The following CUX2 variants were observed in gnomAD, a reference collection of about 807,000 sequenced individuals.
CUX2 encodes cut like homeobox 2.
CUX2 carries 40 observed loss-of-function variants against 144.8 expected under a neutral mutation model. That is an observed-to-expected ratio of 0.28 (90% confidence interval 0.21 to 0.36). The LOEUF is 0.36. Among genes scored for constraint, CUX2 ranks in the 10% least tolerant of loss-of-function variants. CUX2 has a pLI of 1.00. For missense variants in CUX2, 1,615 were observed against 1,994.0 expected, an observed-to-expected ratio of 0.81 and a Z score of 3.62; for synonymous variants, 827 against 875.6, an observed-to-expected ratio of 0.94 and a Z score of 0.98.
intron 1 of CUX2, among the ~76,000 whole-genome samples, chr12:111,140,628 A>G (rs1876251936): frequency 6.6e-6 from 1 of 152,206 alleles, no homozygotes; most frequent in Non-Finnish European, 1.5e-5. Context: ...GCAGCTAAAT[A>G]TAGCCCCTGC....
At position 111,320,023 on chromosome 12, in the gene CUX2, A is replaced by T; in HGVS notation, c.2014A>T (p.Thr672Ser). ...IESQKGGEPK[T>S]SVAPLSIANG... ...CCCCCTCCCCGCAGGCGAGCCCAAG[A>T]CCTCGGTGGCCCCGCTGAGCATCGC... The change falls in exon 17 of 22, where the codon ACC becomes TCC. Residue 672 changes from threonine (T) to serine (S), a missense_variant. Transcript: ENST00000261726. This position sits in a 1 kb window ranked among gnomAD's most constrained non-coding sequence, Gnocchi z 8.1. 2.0e-6 allele frequency: 3 copies of T among 1,527,470 alleles called. No homozygotes were observed. Among genetic ancestry groups the T allele is most frequent in the Non-Finnish European group, 2.6e-6 (3 of 1,143,178 alleles). 94.6% of individuals were successfully genotyped at this position (1,527,470 alleles called of 1,614,324 possible). A position where few individuals can be genotyped will look rare whatever the true frequency, so the allele number is the denominator to read the frequency against.
intron 16 of CUX2, among the ~76,000 whole-genome samples, chr12:111,314,533 T>C (rs1312468336): frequency 1.3e-5 from 2 of 150,858 alleles, no homozygotes; most frequent in African/African-American, 4.9e-5. Context: ...CCCAGCTATT[T>C]GGAGGCTGAG....
intron 1 of CUX2, among the ~76,000 whole-genome samples, chr12:111,209,064 G>C (rs1373797288): frequency 6.6e-6 from 1 of 152,172 alleles, no homozygotes; most frequent in Non-Finnish European, 1.5e-5. Flanking sequence ...CTTTTAGGGG[G>C]TACTGACAAG....
chr12:111,123,177 A>G (rs1165735372), intron 1 of CUX2, among the ~76,000 whole-genome samples: 2 of 152,122 alleles, frequency 1.3e-5, no homozygotes, highest in African/African-American at 4.8e-5. Flanking sequence ...TACCCGGCAT[A>G]TAGTTTCTTT....
chr12:111,187,466 C>T (rs985704924), intron 1 of CUX2, among the ~76,000 whole-genome samples: 1 of 152,164 alleles, frequency 6.6e-6, no homozygotes, highest in Non-Finnish European at 1.5e-5. Flanking sequence ...CCACCACCTC[C>T]CCCTACTCCT....
chr12:111,063,315 A>C (rs1441031388), intron 1 of CUX2, among the ~76,000 whole-genome samples: 1 of 152,210 alleles, frequency 6.6e-6, no homozygotes, highest in Non-Finnish European at 1.5e-5. Flanking sequence ...GATCCAAAAA[A>C]AACAACAGCA....
At chr12:111,167,669 G>GGTTTGTTT (rs372984349) in intron 1 of CUX2, among the ~76,000 whole-genome samples, 5 of 136,136 alleles carry the variant, frequency 3.7e-5, no homozygotes, top group African/African-American at 6.2e-5. Context: ...GTTGGCCCTG[G>GGTTTGTTT]GTTTGTTTGT....
intron 1 of CUX2, among the ~76,000 whole-genome samples, chr12:111,210,838 T>G (rs919541335): frequency 6.6e-6 from 1 of 150,906 alleles, no homozygotes; most frequent in African/African-American, 2.4e-5. Flanking sequence ...ACTTGAAGCT[T>G]TACACATCCA....
chr12:111,281,900 A>G (rs1289403673), intron 4 of CUX2, among the ~76,000 whole-genome samples: 1 of 152,160 alleles, frequency 6.6e-6, no homozygotes, highest in Non-Finnish European at 1.5e-5. Context: ...TGCCTGAGAA[A>G]GAAGGGAAGG....
intron 4 of CUX2, among the ~76,000 whole-genome samples, chr12:111,264,822 A>T (rs989347173): frequency 3.3e-5 from 5 of 152,192 alleles, no homozygotes; most frequent in Non-Finnish European, 5.9e-5. Context: ...TGAGTGAAGG[A>T]AGCCAGAAAC....
At chr12:111,244,508 C>A (rs1283059628) in intron 3 of CUX2, among the ~76,000 whole-genome samples, 1 of 152,246 alleles carries the variant, frequency 6.6e-6, no homozygotes, top group African/African-American at 2.4e-5. Context: ...GTTCCGTTAC[C>A]TCTAGCTGAG....
chr12:111,193,467 G>A (rs545514917), intron 1 of CUX2, among the ~76,000 whole-genome samples: 1 of 152,186 alleles, frequency 6.6e-6, no homozygotes, highest in African/African-American at 2.4e-5. Context: ...ATAGCTGTTG[G>A]GGGGGAGAAA....
intron 1 of CUX2, among the ~76,000 whole-genome samples, chr12:111,086,463 A>G (rs1872223765): frequency 6.6e-6 from 1 of 152,212 alleles, no homozygotes; most frequent in Non-Finnish European, 1.5e-5. Context: ...TTTCATAGTT[A>G]ATGAGGAACT....
intron 4 of CUX2, among the ~76,000 whole-genome samples, chr12:111,274,464 T>G (rs879916286): frequency 6.6e-6 from 1 of 152,166 alleles, no homozygotes; most frequent in Non-Finnish European, 1.5e-5. Context: ...GCTGCTGCTG[T>G]TGGTGCTGGT....
At chr12:111,275,218 C>T (rs973057660) in intron 4 of CUX2, among the ~76,000 whole-genome samples, 2 of 152,162 alleles carry the variant, frequency 1.3e-5, no homozygotes, top group Non-Finnish European at 2.9e-5. Context: ...CCACGGTGTC[C>T]CCCATCCCTG....
chr12:111,236,874 G>C (rs1882779493), intron 3 of CUX2, among the ~76,000 whole-genome samples: 1 of 152,212 alleles, frequency 6.6e-6, no homozygotes, highest in Non-Finnish European at 1.5e-5. Flanking sequence ...AAGCGGCTGG[G>C]TGCAGTGGCT....
chr12:111,176,643 C>A (rs1878873838), intron 1 of CUX2, among the ~76,000 whole-genome samples: 1 of 152,170 alleles, frequency 6.6e-6, no homozygotes, highest in Non-Finnish European at 1.5e-5. Flanking sequence ...GTGTCCAACC[C>A]CCACTCCAGG....
At position 111,059,754 on chromosome 12, in the gene CUX2, G is replaced by T. The variant is rs1471006829; in HGVS notation, c.63+25514G>T. On this transcript the variant is annotated intron_variant, in intron 1 of 21. Coordinates refer to ENST00000261726, the MANE Select transcript of CUX2 (RefSeq NM_015267.4). The surrounding 1 kb of genome is among the most constrained non-coding windows in gnomAD (Gnocchi z 5.3). Reference sequence around the variant, plus strand: ...AAGGGGTGCTACCAAGGAGAAGGTGGTCGTGGGGGGTCCTCAGTCCTGGCT... The same window carrying T: ...AAGGGGTGCTACCAAGGAGAAGGTGTTCGTGGGGGGTCCTCAGTCCTGGCT... 6.6e-6 allele frequency among the ~76,000 whole-genome samples: 1 copy of T among 152,064 alleles called. No homozygotes were observed. The highest frequency in any genetic ancestry group is 6.5e-5 in the Admixed American group (1 of 15,282).
At position 111,322,770 on chromosome 12, in the gene CUX2, T is replaced by C. The variant is rs1887599577; in HGVS notation, c.2926+190T>C. Among the ~76,000 whole-genome samples the C allele has an allele frequency of 1.3e-5, 2 of 152,158 alleles. No homozygotes were observed. Among genetic ancestry groups the C allele is most frequent in the African/African-American group, 4.8e-5 (2 of 41,448 alleles). ...CCTGGGGTTTCTCTGCTCCCCTTTCTTCCTTCCTCCAACCAGAGGGAGGCT... is the reference window on the plus strand; with the variant it reads ...CCTGGGGTTTCTCTGCTCCCCTTTCCTCCTTCCTCCAACCAGAGGGAGGCT... On this transcript the variant is annotated intron_variant, in intron 18 of 21. Transcript: ENST00000261726. This position sits in a 1 kb window ranked among gnomAD's most constrained non-coding sequence, Gnocchi z 4.2.
Sources: gnomAD v4.1 joint callset for allele counts (sites outside exome capture counted in the v4.1 genomes callset) on GRCh38, gnomAD v4.1.1 for gene constraint, Gnocchi (gnomAD v3.1) non-coding constraint, MANE v1.5 for transcripts, NCBI Gene and HGNC (gene_info 2026-07-23, HGNC 2026-07-21) for gene names.